The following APBA1 variants were observed in gnomAD, a reference collection of about 807,000 sequenced individuals.
APBA1 encodes the protein amyloid beta precursor protein binding family A member 1.
Under a neutral mutation model 86.6 loss-of-function variants are expected in APBA1, and 55 were observed. The observed-to-expected ratio is 0.64, with a 90% CI of 0.51 to 0.80. The LOEUF (loss-of-function observed/expected upper bound fraction) is 0.80, where lower values mean the gene tolerates loss of function less well. APBA1 is among the 30% of genes least tolerant of loss of function. The pLI, the probability that APBA1 is intolerant of heterozygous loss-of-function variation, is 0.00. For synonymous variants in APBA1, 511 were observed against 493.9 expected, an observed-to-expected ratio of 1.03 and a Z score of -0.46; for missense variants, 1,090 against 1,183.0, an observed-to-expected ratio of 0.92 and a Z score of 1.15.
At chr9:69,514,420 AC>A (rs1275921835) in intron 2 of APBA1, among the ~76,000 whole-genome samples, 1 of 151,868 alleles carries the variant, frequency 6.6e-6, no homozygotes, top group Non-Finnish European at 1.5e-5. Context: ...GTGAAACCCC[AC>A]TCCTACTAAA....
Position 69,449,731 on chromosome 9 carries a change from G to A in APBA1, c.2034C>T (p.Ser678=). 1 of 1,613,998 alleles carries A rather than the reference G, an allele frequency of 6.2e-7. No individual in the cohort carries two copies. The change falls in exon 10 of 13, where the codon TCC becomes TCT. Residue 678 remains serine, a synonymous_variant. Coordinates refer to ENST00000265381, the MANE Select transcript of APBA1 (RefSeq NM_001163.4). ...TGGCAATGATCACGGTGGGGAGGAT[G>A]GATCCCCAGCCAGACTCCACAATCA... is the stretch of plus-strand genomic sequence containing the variant. ...GVVIVESGWG[S]ILPTVIIANM... is the part of the protein sequence containing the mutation.
chr9:69,622,392 A>T (rs1267608475), intron 1 of APBA1, among the ~76,000 whole-genome samples: 1 of 152,190 alleles, frequency 6.6e-6, no homozygotes, highest in Non-Finnish European at 1.5e-5. Flanking sequence ...CTAGTTCCTT[A>T]TAGGAGCAGG....
At chr9:69,497,751 G>A (rs1835822569) in intron 2 of APBA1, among the ~76,000 whole-genome samples, 1 of 152,040 alleles carries the variant, frequency 6.6e-6, no homozygotes, top group Non-Finnish European at 1.5e-5. Context: ...ATAGCCCCCT[G>A]CACCATCTCT....
chr9:69,562,275 G>C (rs766149464), intron 1 of APBA1, among the ~76,000 whole-genome samples: 2 of 151,928 alleles, frequency 1.3e-5, no homozygotes, highest in African/African-American at 4.8e-5. Context: ...GCTTGCTACA[G>C]TAAGGCCAAA....
chr9:69,603,559 T>C (rs889757314), intron 1 of APBA1, among the ~76,000 whole-genome samples: 3 of 152,218 alleles, frequency 2.0e-5, no homozygotes, highest in Non-Finnish European at 4.4e-5. Context: ...TACATGGATA[T>C]TGCCATATCT....
chr9:69,493,105 A>C (rs949488936), intron 2 of APBA1, among the ~76,000 whole-genome samples: 1 of 152,076 alleles, frequency 6.6e-6, no homozygotes, highest in Non-Finnish European at 1.5e-5. Flanking sequence ...CCTGTCATTA[A>C]GCACCTATTT....
chr9:69,443,058 G>C lies in APBA1; in HGVS notation c.2182-1943C>G, dbSNP rs148337099. ...GCTTTAGATTGAGGGAGAGGTAGGGGCTATTTTGCCTCTGGTTATCCAGCT... is the reference window on the plus strand; with the variant it reads ...GCTTTAGATTGAGGGAGAGGTAGGGCCTATTTTGCCTCTGGTTATCCAGCT... On this transcript the variant is annotated intron_variant, in intron 10 of 12. Coordinates refer to ENST00000265381, the MANE Select transcript of APBA1 (RefSeq NM_001163.4). 4.7e-3 allele frequency among the ~76,000 whole-genome samples: 711 copies of C among 152,288 alleles called. 6 individuals carry two copies. The highest frequency in any genetic ancestry group is 5.5e-3 in the Non-Finnish European group (376 of 68,026).
chr9:69,563,643 G>A (rs910722858), intron 1 of APBA1, among the ~76,000 whole-genome samples: 3 of 151,792 alleles, frequency 2.0e-5, no homozygotes, highest in Non-Finnish European at 2.9e-5. Flanking sequence ...TGCTTACTTG[G>A]TTTTAATTTT....
chr9:69,607,584 A>G (rs995743871), intron 1 of APBA1, among the ~76,000 whole-genome samples: 3 of 152,174 alleles, frequency 2.0e-5, no homozygotes, highest in Non-Finnish European at 4.4e-5. Context: ...GCTTTACCCT[A>G]TGCACTTTGA....
chr9:69,459,111 A>C (rs1835149548), intron 5 of APBA1, among the ~76,000 whole-genome samples: 1 of 152,136 alleles, frequency 6.6e-6, no homozygotes, highest in African/African-American at 2.4e-5. Context: ...GCCTCTAGTT[A>C]TCTTTTTCTG....
In APBA1 at chr9:69,541,039, T is replaced by G. The variant is rs143242643; in HGVS notation, c.-69-23760A>C. 5.5e-3 allele frequency among the ~76,000 whole-genome samples: 843 copies of G among 152,354 alleles called. 9 individuals are homozygous for G. The highest frequency in any genetic ancestry group is 0.02 in the Middle Eastern group (6 of 294). ...ATCACAGGATTTCCTTCTTTAAGGC[T>G]GAATAACATTCCACGCATGTATATA... On this transcript the variant is annotated intron_variant, in intron 1 of 12. Transcript: ENST00000265381.
At chr9:69,557,391 A>G (rs1193264780) in intron 1 of APBA1, among the ~76,000 whole-genome samples, 1 of 152,220 alleles carries the variant, frequency 6.6e-6, no homozygotes, top group East Asian at 1.9e-4. Flanking sequence ...ATTTTACACA[A>G]CTTCACCTAG....
At chr9:69,596,354 A>G (rs1244376917) in intron 1 of APBA1, among the ~76,000 whole-genome samples, 1 of 152,112 alleles carries the variant, frequency 6.6e-6, no homozygotes, top group African/African-American at 2.4e-5. Context: ...TGGAACTTTT[A>G]TTCTTTCCAG....
intron 1 of APBA1, among the ~76,000 whole-genome samples, chr9:69,644,315 A>T (rs1823348147): frequency 1.3e-5 from 2 of 152,266 alleles, no homozygotes; most frequent in South Asian, 4.1e-4. Flanking sequence ...CATGTCTACT[A>T]ATTGAATGAC....
intron 2 of APBA1, among the ~76,000 whole-genome samples, chr9:69,501,020 C>G (rs1835872701): frequency 6.6e-6 from 1 of 152,112 alleles, no homozygotes; most frequent in Non-Finnish European, 1.5e-5. Flanking sequence ...CAGACTGACT[C>G]CAATTCTCCT....
At chr9:69,471,350 A>AC (rs1835363238) in intron 4 of APBA1, among the ~76,000 whole-genome samples, 1 of 152,226 alleles carries the variant, frequency 6.6e-6, no homozygotes, top group Non-Finnish European at 1.5e-5. Flanking sequence ...GAGACAGAAT[A>AC]AGGAGACTTG....
chr9:69,584,732 T>C (rs919032769), intron 1 of APBA1, among the ~76,000 whole-genome samples: 1 of 152,212 alleles, frequency 6.6e-6, no homozygotes, highest in Non-Finnish European at 1.5e-5. Flanking sequence ...TCCCACTGAT[T>C]ATAAATACAA....
At chr9:69,536,434 C>G (rs1239980724) in intron 1 of APBA1, among the ~76,000 whole-genome samples, 1 of 151,934 alleles carries the variant, frequency 6.6e-6, no homozygotes, top group African/African-American at 2.4e-5. Context: ...GCCCCATCCT[C>G]TTGTATTACG....
At chr9:69,658,518 T>G (rs1823688310) in intron 1 of APBA1, among the ~76,000 whole-genome samples, 1 of 150,660 alleles carries the variant, frequency 6.6e-6, no homozygotes, top group Non-Finnish European at 1.5e-5. Flanking sequence ...TTCTCCTACC[T>G]CAGCCTCCTG....
Sources: gnomAD v4.1 joint callset for allele counts (sites outside exome capture counted in the v4.1 genomes callset) on GRCh38, gnomAD v4.1.1 for gene constraint, MANE v1.5 for transcripts, NCBI Gene and HGNC (gene_info 2026-07-23, HGNC 2026-07-21) for gene names.